The following SPAG17 variants were observed in gnomAD, a reference collection of about 807,000 sequenced individuals.
SPAG17 encodes sperm-associated antigen 17.
SPAG17 carries 169 observed loss-of-function variants against 273.6 expected under a neutral mutation model. The ratio of observed to expected loss-of-function variants is 0.62; its 90% confidence interval spans 0.55 to 0.70. SPAG17 has a LOEUF of 0.70. Ranked by LOEUF, SPAG17 falls within the 30% of genes least tolerant of loss-of-function variation. The pLI, the probability that SPAG17 is intolerant of heterozygous loss-of-function variation, is 0.00. For synonymous variants in SPAG17, 825 were observed against 873.2 expected, an observed-to-expected ratio of 0.94 and a Z score of 0.97; for missense variants, 2,557 against 2,627.8, an observed-to-expected ratio of 0.97 and a Z score of 0.59.
At chr1:117,955,323 T>A (rs139595449) in intron 48 of SPAG17, 1 of 1,612,212 alleles carries the variant, frequency 6.2e-7, no homozygotes, top group East Asian at 2.2e-5. Flanking sequence ...AGCCTTCAGC[T>A]TATGTATTAG....
rs1241100061 is a variant in SPAG17, at chr1:117,973,462, AAAT to A, written c.6101_6103del (p.Tyr2034del). The A allele has an allele frequency of 1.9e-6, 3 of 1,613,958 alleles. No individual in the cohort carries two copies. The highest frequency in any genetic ancestry group is 2.2e-5 in the South Asian group (2 of 91,064). On this transcript the variant is annotated inframe_deletion, in exon 44 of 49. Transcript: ENST00000336338. ...TTGAGACTTAGGCTTGGAACTCAGC[AAAT>A]AATGAGGCAACTTCACTTTTTCTTT... is the stretch of plus-strand genomic sequence containing the variant.
intron 34 of SPAG17, among the ~76,000 whole-genome samples, chr1:117,995,501 C>T (rs1166073239): frequency 6.6e-6 from 1 of 151,896 alleles, no homozygotes; most frequent in Non-Finnish European, 1.5e-5. Context: ...TCTTATTCTC[C>T]CACAGTTCCA....
chr1:118,098,755 T>A (rs1235454908), intron 6 of SPAG17, among the ~76,000 whole-genome samples: 1 of 152,142 alleles, frequency 6.6e-6, no homozygotes, highest in African/African-American at 2.4e-5. Context: ...GTACTTAATG[T>A]CCTTAGCATT....
At position 118,165,976 on chromosome 1, in the gene SPAG17, T is replaced by C. The variant is rs188299132; in HGVS notation, c.88-14607A>G. 5.7e-4 allele frequency among the ~76,000 whole-genome samples: 87 copies of C among 152,302 alleles called. 1 individual carries two copies. Among genetic ancestry groups the C allele is most frequent in the African/African-American group, 2.0e-3 (83 of 41,566 alleles). On this transcript the variant is annotated intron_variant, in intron 1 of 48. Transcript: ENST00000336338. ...TCTTTTTACCTAGCATCCTAAATATTTGATGTGAAGACAGAGGTGGTTGAA... is the reference window on the plus strand; with the variant it reads ...TCTTTTTACCTAGCATCCTAAATATCTGATGTGAAGACAGAGGTGGTTGAA...
At chr1:117,968,961 A>C (rs78346219) in intron 46 of SPAG17, among the ~76,000 whole-genome samples, 321 of 152,248 alleles carry the variant, frequency 2.1e-3, no homozygotes, top group African/African-American at 7.2e-3. Flanking sequence ...CATTTTTAAC[A>C]TCCTCTGCGC....
At chr1:118,077,256 A>G (rs1306674444) in intron 15 of SPAG17, among the ~76,000 whole-genome samples, 1 of 152,094 alleles carries the variant, frequency 6.6e-6, no homozygotes, top group Non-Finnish European at 1.5e-5. Context: ...AACAGCTACA[A>G]TGTGACACCA....
At chr1:118,096,759 G>A (rs1351583106) in intron 7 of SPAG17, among the ~76,000 whole-genome samples, 1 of 152,046 alleles carries the variant, frequency 6.6e-6, no homozygotes, top group East Asian at 1.9e-4. Context: ...TCACATAACT[G>A]AGCACCAGAT....
At chr1:117,959,876 T>TA (rs962387976) in intron 48 of SPAG17, 7 of 153,296 alleles carry the variant, frequency 4.6e-5, no homozygotes, top group African/African-American at 1.7e-4. Context: ...ACCAGGTGCA[T>TA]AATTGATTGC....
At chr1:118,051,665 C>T (rs1651023789) in intron 20 of SPAG17, among the ~76,000 whole-genome samples, 1 of 145,858 alleles carries the variant, frequency 6.9e-6, no homozygotes, top group Admixed American at 6.9e-5. Context: ...ACACAAAATA[C>T]ATAATATATA....
Position 117,970,130 on chromosome 1 carries a change from A to AGAT in SPAG17, c.6327-17_6327-15dup. On this transcript the variant is annotated splice_polypyrimidine_tract_variant and intron_variant, in intron 45 of 48. Transcript: ENST00000336338. ...TTTACTTTAAACCTACAAGGCAGAA[A>AGAT]GATAAAAATAAATTTATGACATAAT... 6.2e-7 allele frequency: 1 copy of AGAT among 1,607,242 alleles called. No homozygotes were observed. Among genetic ancestry groups the AGAT allele is most frequent in the Non-Finnish European group, 8.5e-7 (1 of 1,177,816 alleles).
rs774289091 is a variant in SPAG17, at chr1:118,099,764, A to G, written c.671T>C (p.Ile224Thr). The change falls in exon 6 of 49, where the codon ATA becomes ACA. Residue 224 changes from isoleucine (I) to threonine (T), a missense_variant. Ile to Thr is a moderately conservative substitution (Grantham distance 89). Coordinates refer to ENST00000336338, the MANE Select transcript of SPAG17 (RefSeq NM_206996.4). ...CTGAGGATTGTTAAAGCCCACAACT[A>G]TAATGTAATGTTGGGCACCATCATC... is the stretch of plus-strand genomic sequence containing the variant. ...EPDDGAQHYI[I>T]VVGFNNPQLL... 8 of 1,613,120 alleles carry G rather than the reference A, an allele frequency of 5.0e-6. No homozygotes were observed. Among genetic ancestry groups the G allele is most frequent in the Non-Finnish European group, 6.8e-6 (8 of 1,179,900 alleles).
At position 118,136,452 on chromosome 1, in the gene SPAG17, T is replaced by A. The variant is rs150716365; in HGVS notation, c.315+14091A>T. Among the ~76,000 whole-genome samples, 3 of 152,296 alleles carry A rather than the reference T, an allele frequency of 2.0e-5. No homozygotes were observed. In the East Asian group the frequency reaches 5.8e-4, roughly 29 times the overall value. ...AAATGCATACTGAAAGGATAACGAA[T>A]ATAATGGGTTAACATTCTAAAAATG... On this transcript the variant is annotated intron_variant, in intron 3 of 48. Coordinates refer to ENST00000336338, the MANE Select transcript of SPAG17 (RefSeq NM_206996.4).
chr1:117,985,132 TAG>T (rs1656267555), intron 40 of SPAG17, among the ~76,000 whole-genome samples: 1 of 152,222 alleles, frequency 6.6e-6, no homozygotes, highest in African/African-American at 2.4e-5. Context: ...AAATGACAGC[TAG>T]AGTCTACTGG....
intron 46 of SPAG17, 139 bp from the exon 47 acceptor site, chr1:117,966,892 GTTA>G: frequency 1.6e-6 from 1 of 620,002 alleles, no homozygotes; most frequent in Non-Finnish European, 2.6e-6. Context: ...ACAAATGGTA[GTTA>G]TTATAAGCAT....
At chr1:118,165,852 C>T (rs1660149475) in intron 1 of SPAG17, among the ~76,000 whole-genome samples, 1 of 151,938 alleles carries the variant, frequency 6.6e-6, no homozygotes, top group South Asian at 2.1e-4. Flanking sequence ...ACTGTGTTAG[C>T]CAGGATGGTC....
chr1:118,129,890 T>C (rs1657965441), intron 3 of SPAG17, among the ~76,000 whole-genome samples: 1 of 152,086 alleles, frequency 6.6e-6, no homozygotes, highest in African/African-American at 2.4e-5. Flanking sequence ...CCTGGAGTCC[T>C]GGAGTGGGAT....
At chr1:118,057,845 T>A (rs751863528) in intron 18 of SPAG17, among the ~76,000 whole-genome samples, 53 of 131,552 alleles carry the variant, frequency 4.0e-4, no homozygotes, top group African/African-American at 1.3e-3. Context: ...TAAATTAAAA[T>A]TTTTTTTTTG....
chr1:117,958,814 T>C, intron 48 of SPAG17: 1 of 831,462 alleles, frequency 1.2e-6, no homozygotes, highest in Non-Finnish European at 1.9e-6. Flanking sequence ...GTATATTTTG[T>C]TGTTGCTTTG....
chr1:118,111,883 G>A (rs1241200479), intron 4 of SPAG17, among the ~76,000 whole-genome samples: 1 of 152,050 alleles, frequency 6.6e-6, no homozygotes, highest in African/African-American at 2.4e-5. Flanking sequence ...ATGCATATGA[G>A]CTAGCAAAAG....
Sources: gnomAD v4.1 joint callset for allele counts (sites outside exome capture counted in the v4.1 genomes callset) on GRCh38, gnomAD v4.1.1 for gene constraint, MANE v1.5 for transcripts, NCBI Gene and HGNC (gene_info 2026-07-23, HGNC 2026-07-21) for gene names.